SLC5A7: variants seen among roughly 807,000 people sequenced by gnomAD.
The protein encoded by SLC5A7 is solute carrier family 5 member 7.
A neutral mutation model predicts 55.4 loss-of-function variants in SLC5A7; 19 were observed. The observed-to-expected ratio is 0.34, with a 90% CI of 0.24 to 0.50. The LOEUF (loss-of-function observed/expected upper bound fraction) is 0.50, where lower values mean the gene tolerates loss of function less well. SLC5A7 is among the 20% of genes least tolerant of loss of function. The pLI, the probability that SLC5A7 is intolerant of heterozygous loss-of-function variation, is 0.98. For synonymous variants in SLC5A7, 265 were observed against 263.7 expected (o/e 1.00, Z -0.05); for missense variants, 506 against 705.3 (o/e 0.72, Z 3.20).
At chr2:108,001,154 C>T (rs1314603530) in intron 5 of SLC5A7, among the ~76,000 whole-genome samples, 3 of 151,818 alleles carry the variant, frequency 2.0e-5, no homozygotes, top group African/African-American at 7.3e-5. Context: ...TCCCCTCCTC[C>T]CCCCACCCAC....
chr2:107,990,810 G>C (rs556854815), intron 2 of SLC5A7, among the ~76,000 whole-genome samples: 39 of 152,182 alleles, frequency 2.6e-4, no homozygotes, highest in Non-Finnish European at 4.7e-4. Flanking sequence ...ACACATCCTA[G>C]GTAGTTTTGT....
At chr2:107,989,973 C>T (rs1274825375) in intron 2 of SLC5A7, among the ~76,000 whole-genome samples, 3 of 151,934 alleles carry the variant, frequency 2.0e-5, no homozygotes, top group Non-Finnish European at 2.9e-5. Context: ...TTCCTCAGTT[C>T]GTAAAACTTT....
chr2:107,999,910 C>T (rs1558865285), intron 5 of SLC5A7, among the ~76,000 whole-genome samples: 1 of 152,174 alleles, frequency 6.6e-6, no homozygotes, highest in Non-Finnish European at 1.5e-5. Context: ...CTACCACTTT[C>T]CCTGACTCTT....
intron 6 of SLC5A7, 120 bp from the exon 7 acceptor site, chr2:108,005,929 T>A (rs1678097079): frequency 8.4e-7 from 1 of 1,192,208 alleles, no homozygotes; most frequent in Non-Finnish European, 1.2e-6. Context: ...TGTGGCTACA[T>A]GCCACATTTT....
At position 108,001,990 on chromosome 2, in the gene SLC5A7, A is replaced by C; in HGVS notation, c.691A>C (p.Thr231Pro). ...HAKYQKPWLG[T>P]VDSSEVYSWL... ...CAAATACCAAAAGCCGTGGCTGGGA[A>C]CTGTTGACTCATCTGAAGTCTACTC... The change falls in exon 6 of 9, where the codon ACT becomes CCT. Residue 231 changes from threonine to proline, a missense_variant. Coordinates refer to ENST00000264047, the MANE Select transcript of SLC5A7 (RefSeq NM_021815.5). The C allele has an allele frequency of 3.1e-6, 5 of 1,614,188 alleles. No individual in the cohort carries two copies. The highest frequency in any genetic ancestry group is 4.2e-6 in the Non-Finnish European group (5 of 1,180,026).
Position 107,992,981 on chromosome 2 carries a change from T to G in SLC5A7, c.302T>G (p.Phe101Cys). ...GTTGCTTAATTTTTAGGTGGCCTGT[T>G]CTTTGCAAAACCTATGCGTTCAAAG... ...YSLSLILGGLFFAKPMRSKGY... is the reference protein window; with the variant it reads ...YSLSLILGGLCFAKPMRSKGY... The change falls in exon 4 of 9, where the codon TTC becomes TGC. Residue 101 changes from phenylalanine (F) to cysteine (C), a missense_variant. Coordinates refer to ENST00000264047, the MANE Select transcript of SLC5A7 (RefSeq NM_021815.5). 6.2e-7 allele frequency: 1 copy of G among 1,614,160 alleles called. No individual in the cohort carries two copies. Among genetic ancestry groups the G allele is most frequent in the Non-Finnish European group, 8.5e-7 (1 of 1,179,996 alleles).
At chr2:107,995,656 T>C (rs1677645350) in intron 4 of SLC5A7, among the ~76,000 whole-genome samples, 1 of 152,182 alleles carries the variant, frequency 6.6e-6, no homozygotes. Flanking sequence ...AATTAAAATT[T>C]AGTGTTTATT....
intron 7 of SLC5A7, among the ~76,000 whole-genome samples, chr2:108,007,496 G>C (rs993030771): frequency 6.6e-6 from 1 of 151,872 alleles, no homozygotes; most frequent in African/African-American, 2.4e-5. Context: ...GTGTGTGTGT[G>C]TGTGTGTCTG....
Position 108,010,431 on chromosome 2 carries a change from G to C in SLC5A7, c.1313G>C (p.Gly438Ala), listed in dbSNP as rs1678275775. 6.2e-7 allele frequency: 1 copy of C among 1,613,794 alleles called. No individual in the cohort carries two copies. Among genetic ancestry groups the C allele is most frequent in the South Asian group, 1.1e-5 (1 of 91,080 alleles). Residue 438 changes from glycine (G) to alanine (A), a missense_variant, in exon 9 of 9, where the codon GGT (glycine) becomes GCT (alanine). By Grantham distance (60) the Gly-to-Ala change is moderately conservative. Transcript: ENST00000264047. The part of the protein sequence containing the change: ...KGTNTYGAVA[G>A]YVSGLFLRIT... The stretch of plus-strand genomic sequence containing the variant: ...ACCAACACCTATGGGGCCGTGGCAG[G>C]TTATGTTTCTGGCCTCTTCCTGAGA...
intron 3 of SLC5A7, among the ~76,000 whole-genome samples, 188 bp from the exon 4 acceptor site, chr2:107,992,784 T>C (rs1677498883): frequency 6.6e-6 from 1 of 152,238 alleles, no homozygotes; most frequent in Non-Finnish European, 1.5e-5. Context: ...CAATGGTAAG[T>C]GTACTAAATA....
intron 5 of SLC5A7, among the ~76,000 whole-genome samples, chr2:108,001,687 A>AG (rs1677912175): frequency 6.6e-6 from 1 of 150,628 alleles, no homozygotes; most frequent in African/African-American, 2.5e-5. Context: ...AAAAAAAAAA[A>AG]AAGAAAAGAA....
chr2:108,000,346 A>T (rs991190148), intron 5 of SLC5A7, among the ~76,000 whole-genome samples: 1 of 152,142 alleles, frequency 6.6e-6, no homozygotes, highest in African/African-American at 2.4e-5. Context: ...TCTTTCCCTT[A>T]AGGAATGGAT....
At chr2:107,990,810 G>A (rs556854815) in intron 2 of SLC5A7, among the ~76,000 whole-genome samples, 3 of 152,064 alleles carry the variant, frequency 2.0e-5, no homozygotes, top group Non-Finnish European at 4.4e-5. Context: ...ACACATCCTA[G>A]GTAGTTTTGT....
chr2:107,992,271 A>G, intron 3 of SLC5A7, 52 bp downstream of exon 3: 1 of 1,061,304 alleles, frequency 9.4e-7, no homozygotes, highest in South Asian at 1.4e-5. Flanking sequence ...ATACAGAACA[A>G]GAGTATAAAT....
chr2:108,000,735 C>T (rs150977213), intron 5 of SLC5A7, among the ~76,000 whole-genome samples: 40 of 152,016 alleles, frequency 2.6e-4, no homozygotes, highest in Non-Finnish European at 3.1e-4. Flanking sequence ...GCTGGGACTA[C>T]GGGTGTGCAC....
chr2:107,995,478 T>A (rs1677637302), intron 4 of SLC5A7, among the ~76,000 whole-genome samples: 1 of 151,148 alleles, frequency 6.6e-6, no homozygotes, highest in Non-Finnish European at 1.5e-5. Context: ...AGAGTGTGTG[T>A]GTGTGTGTGT....
Position 108,010,763 on chromosome 2 carries a change from C to T in SLC5A7, c.1645C>T (p.Gln549Ter). ...TGAACTTGCACTTGTGAAGCCACGA[C>T]AGAGCATGACCCTCAGCTCAACTTT... ...LDELALVKPR[Q>*]SMTLSSTFTN... The change falls in exon 9 of 9, where the codon CAG becomes TAG. Residue 549 changes from glutamine (Q) to a stop codon, truncating the protein, a stop_gained. Coordinates refer to ENST00000264047, the MANE Select transcript of SLC5A7 (RefSeq NM_021815.5). LOFTEE classifies it high-confidence loss of function. The T allele has an allele frequency of 3.1e-6, 5 of 1,613,660 alleles. No homozygotes were observed. The highest frequency in any genetic ancestry group is 4.2e-6 in the Non-Finnish European group (5 of 1,179,836).
intron 4 of SLC5A7, among the ~76,000 whole-genome samples, chr2:107,994,490 G>A (rs556677015): frequency 3.3e-5 from 5 of 152,252 alleles, no homozygotes; most frequent in Admixed American, 2.0e-4. Context: ...GGAAGCTGAG[G>A]CAGGAGAATG....
At chr2:107,994,680 A>G (rs774420649) in intron 4 of SLC5A7, among the ~76,000 whole-genome samples, 1 of 152,196 alleles carries the variant, frequency 6.6e-6, no homozygotes, top group Non-Finnish European at 1.5e-5. Context: ...CTTATGTTCT[A>G]ATGATATTAT....
Sources: allele counts gnomAD v4.1 joint callset (sites outside exome capture counted in the v4.1 genomes callset), GRCh38; gene constraint gnomAD v4.1.1; transcripts MANE v1.5; gene names NCBI Gene and HGNC (gene_info 2026-07-23, HGNC 2026-07-21).